The following ERBB4 variants were observed in gnomAD, a reference collection of about 807,000 sequenced individuals.
ERBB4 encodes the protein receptor tyrosine-protein kinase erbB-4.
ERBB4 carries 42 observed loss-of-function variants against 158.0 expected under a neutral mutation model. The observed-to-expected ratio is 0.27, with a 90% CI of 0.21 to 0.34. ERBB4 has a LOEUF of 0.34. ERBB4 is among the 10% of genes least tolerant of loss of function. The pLI is 1.00. For missense variants in ERBB4, 1,333 were observed against 1,624.1 expected, an observed-to-expected ratio of 0.82 and a Z score of 3.08; for synonymous variants, 583 against 558.7, an observed-to-expected ratio of 1.04 and a Z score of -0.61.
At chr2:211,908,925 C>T (rs2079468310) in intron 3 of ERBB4, among the ~76,000 whole-genome samples, 1 of 151,356 alleles carries the variant, frequency 6.6e-6, no homozygotes. Context: ...GATAAGAGTA[C>T]ATTTCTAAGC....
intron 12 of ERBB4, among the ~76,000 whole-genome samples, chr2:211,687,327 G>A: frequency 6.8e-6 from 1 of 146,008 alleles, no homozygotes; most frequent in East Asian, 2.0e-4. Flanking sequence ...AAAAAGACAA[G>A]AAAAAACGAA....
rs939167377 is a variant in ERBB4 at position 211,381,823 on chromosome 2, A to G, written c.*1792T>C. Reference sequence around the variant, plus strand: ...TCTAATTTGGTCCCAATATTTTAACATTAGAAATATTTTTTAAAAATCTAA... The same window carrying G: ...TCTAATTTGGTCCCAATATTTTAACGTTAGAAATATTTTTTAAAAATCTAA... On this transcript the variant is annotated 3_prime_UTR_variant, in exon 28 of 28. Transcript: ENST00000342788. The G allele has an allele frequency of 2.2e-5, 5 of 228,748 alleles. No homozygotes were observed. Among genetic ancestry groups the G allele is most frequent in the African/African-American group, 4.4e-5 (2 of 45,226 alleles). 14.2% of individuals were successfully genotyped at this position (228,748 alleles called of 1,614,324 possible). A position where few individuals can be genotyped will look rare whatever the true frequency, so the allele number is the denominator to read the frequency against.
intron 4 of ERBB4, among the ~76,000 whole-genome samples, chr2:211,772,924 C>CAT (rs1159274288): frequency 0.044 from 1,596 of 36,642 alleles, 54 homozygotes; most frequent in East Asian, 0.15. Context: ...CACACACACA[C>CAT]ATATATATAT....
At chr2:211,775,207 T>G (rs576757492) in intron 4 of ERBB4, among the ~76,000 whole-genome samples, 3 of 152,186 alleles carry the variant, frequency 2.0e-5, no homozygotes, top group Non-Finnish European at 4.4e-5. Context: ...TCACTGCTAG[T>G]CATGAATCTT....
chr2:211,404,678 G>T (rs912724626), intron 25 of ERBB4, among the ~76,000 whole-genome samples: 2 of 151,978 alleles, frequency 1.3e-5, no homozygotes, highest in Admixed American at 6.6e-5. Flanking sequence ...TCAACTGAGA[G>T]TTGAGTACCA....
At chr2:211,411,299 A>C (rs553452693) in intron 25 of ERBB4, among the ~76,000 whole-genome samples, 2 of 152,372 alleles carry the variant, frequency 1.3e-5, no homozygotes, top group South Asian at 2.1e-4. Flanking sequence ...GGTAGAAAAG[A>C]CATTGCAAAA....
At chr2:211,735,824 C>A (rs1032678750) in intron 5 of ERBB4, among the ~76,000 whole-genome samples, 5 of 151,840 alleles carry the variant, frequency 3.3e-5, no homozygotes, top group African/African-American at 1.2e-4. Context: ...TTTTGCTTTT[C>A]TCCTCATAGA....
chr2:212,506,235 A>G (rs957106745), intron 1 of ERBB4, among the ~76,000 whole-genome samples: 1 of 148,744 alleles, frequency 6.7e-6, no homozygotes, highest in East Asian at 1.9e-4. Context: ...TCACTAGGCC[A>G]TTTCCCCATC....
In ERBB4 at chr2:211,378,662, T is replaced by A. The variant is rs749561502; in HGVS notation, c.*4953A>T. 4 of 232,352 alleles carry A rather than the reference T, an allele frequency of 1.7e-5. No homozygotes were observed. Among genetic ancestry groups the A allele is most frequent in the Admixed American group, 5.6e-5 (1 of 17,740 alleles). 14.4% of individuals were successfully genotyped at this position (232,352 alleles called of 1,614,324 possible). ...GGCCCCATTGTAATATCAGTAATAA[T>A]GAGGTCTCCACTGATAATGATCTTT... On this transcript the variant is annotated 3_prime_UTR_variant, in exon 28 of 28. Transcript: ENST00000342788.
intron 1 of ERBB4, among the ~76,000 whole-genome samples, chr2:212,377,960 C>G (rs1505373): frequency 1.3e-5 from 2 of 151,254 alleles, no homozygotes; most frequent in African/African-American, 2.4e-5. Flanking sequence ...CTATTTTTAT[C>G]TTTTAATTTT....
At chr2:211,607,865 ATTTT>A (rs1553589856) in intron 19 of ERBB4, among the ~76,000 whole-genome samples, 1 of 74,202 alleles carries the variant, frequency 1.3e-5, no homozygotes, top group Non-Finnish European at 3.0e-5. Flanking sequence ...TTCGCATCAG[ATTTT>A]TTTTTTTTTT....
At chr2:211,691,568 A>ATGTGTGTGTGTGTGTGTG (rs61091828) in intron 12 of ERBB4, among the ~76,000 whole-genome samples, 8 of 139,052 alleles carry the variant, frequency 5.8e-5, no homozygotes, top group African/African-American at 1.9e-4. Context: ...ATAGAAACAT[A>ATGTGTGTGTGTGTGTGTG]TGTGTGTGTG....
intron 1 of ERBB4, among the ~76,000 whole-genome samples, chr2:212,329,965 C>CA (rs1302736366): frequency 1.3e-5 from 2 of 152,018 alleles, no homozygotes; most frequent in African/African-American, 4.8e-5. Flanking sequence ...CCACTGAAAT[C>CA]AAAAACCATC....
chr2:211,763,897 T>TAC (rs58206154), intron 4 of ERBB4, among the ~76,000 whole-genome samples: 14 of 150,080 alleles, frequency 9.3e-5, no homozygotes, highest in East Asian at 3.9e-4. Context: ...TGCGTGTGTA[T>TAC]ACACACACAC....
intron 2 of ERBB4, among the ~76,000 whole-genome samples, chr2:212,016,484 T>TG (rs1559324247): frequency 6.6e-6 from 1 of 151,746 alleles, no homozygotes; most frequent in African/African-American, 2.4e-5. Flanking sequence ...TTTAAATTTA[T>TG]AAAAAATCTA....
intron 1 of ERBB4, among the ~76,000 whole-genome samples, chr2:212,440,834 G>A (rs1008374742): frequency 1.3e-5 from 2 of 152,162 alleles, no homozygotes; most frequent in Admixed American, 6.6e-5. Context: ...GAGAACCAAG[G>A]AACGTAATGA....
At chr2:211,993,289 C>G (rs180677595) in intron 2 of ERBB4, among the ~76,000 whole-genome samples, 3 of 152,186 alleles carry the variant, frequency 2.0e-5, no homozygotes, top group African/African-American at 4.8e-5. Context: ...GATTCATGCT[C>G]ACAGCGGAAA....
At chr2:211,593,639 A>G (rs1435251126) in intron 19 of ERBB4, among the ~76,000 whole-genome samples, 2 of 152,170 alleles carry the variant, frequency 1.3e-5, no homozygotes, top group Non-Finnish European at 2.9e-5. Context: ...GTTAATTTAC[A>G]CTTGTATCTG....
At chr2:211,427,859 G>A (rs941001847) in intron 22 of ERBB4, among the ~76,000 whole-genome samples, 2 of 147,362 alleles carry the variant, frequency 1.4e-5, no homozygotes, top group South Asian at 4.3e-4. Context: ...CTGTCAAAAT[G>A]ATCAGGCAAG....
Sources: allele counts gnomAD v4.1 joint callset (sites outside exome capture counted in the v4.1 genomes callset), GRCh38; gene constraint gnomAD v4.1.1; transcripts MANE v1.5; gene names NCBI Gene and HGNC (gene_info 2026-07-23, HGNC 2026-07-21).